C5orf22: variants seen among roughly 807,000 people sequenced by gnomAD.
The protein encoded by C5orf22 is UPF0489 protein C5orf22.
In C5orf22, 36 loss-of-function variants were observed where a neutral mutation model predicts 48.7. The ratio of observed to expected loss-of-function variants is 0.74; its 90% CI spans 0.57 to 0.98. The LOEUF (loss-of-function observed/expected upper bound fraction) is 0.98, where lower values mean the gene tolerates loss of function less well. Among genes scored for constraint, C5orf22 ranks in the 50% least tolerant of loss-of-function variants. C5orf22 has a pLI of 0.00. For synonymous variants in C5orf22, 141 were observed against 180.8 expected (o/e 0.78, Z 1.76); for missense variants, 486 against 521.9 (o/e 0.93, Z 0.67).
Position 31,532,317 on chromosome 5 carries a change from C to A in C5orf22, c.-76C>A. On this transcript the variant is annotated 5_prime_UTR_variant, in exon 1 of 9. Coordinates refer to ENST00000325366, the MANE Select transcript of C5orf22 (RefSeq NM_018356.3). The stretch of plus-strand genomic sequence containing the variant: ...AGCGCTTCCGCCCGGAGAGAGCTGG[C>A]CGGGATGAGGCGCCGGCTTTCCCGG... 1.4e-6 allele frequency: 2 copies of A among 1,476,330 alleles called. No individual in the cohort carries two copies. The highest frequency in any genetic ancestry group is 2.3e-5 in the East Asian group (1 of 44,108). The allele number at this position is 1,476,330 out of a possible 1,614,324, so 91.5% of individuals were successfully genotyped here.
At chr5:31,548,311 A>C (rs1294175634) in intron 7 of C5orf22, among the ~76,000 whole-genome samples, 1 of 152,096 alleles carries the variant, frequency 6.6e-6, no homozygotes, top group Non-Finnish European at 1.5e-5. Flanking sequence ...AAAAAAAAAA[A>C]AAACTGGATG....
At chr5:31,543,041 G>A (rs1742568602) in intron 6 of C5orf22, among the ~76,000 whole-genome samples, 1 of 152,190 alleles carries the variant, frequency 6.6e-6, no homozygotes, top group South Asian at 2.1e-4. Context: ...CCTCTGGGGA[G>A]AGGAATTCTA....
rs1022470969 is a variant in C5orf22, at chr5:31,534,479, G to A, written c.227+62G>A. Reference sequence around the variant, plus strand: ...AAGTACAATTTGCAGTAGATAATAAGCAATTATAGGAAATAGACTTTGCTA... The same window carrying A: ...AAGTACAATTTGCAGTAGATAATAAACAATTATAGGAAATAGACTTTGCTA... On this transcript the variant is annotated intron_variant, in intron 2 of 8. Transcript: ENST00000325366. 4.9e-6 allele frequency: 7 copies of A among 1,426,692 alleles called. No individual in the cohort carries two copies. The Admixed American group carries it at 1.5e-4, about 30-fold the overall frequency. 88.4% of individuals were successfully genotyped at this position (1,426,692 alleles called of 1,614,324 possible).
intron 7 of C5orf22, chr5:31,548,456 T>C (rs1370396109): frequency 2.7e-6 from 1 of 363,720 alleles, no homozygotes; most frequent in Non-Finnish European, 5.4e-6. Context: ...CCAGTCTCTT[T>C]GCTAAAATAT....
intron 4 of C5orf22, 92 bp from the exon 5 acceptor site, chr5:31,540,857 C>A (rs1302639287): frequency 2.3e-6 from 2 of 881,236 alleles, no homozygotes; most frequent in Non-Finnish European, 3.7e-6. Flanking sequence ...GTTCTTGTAT[C>A]ACAAGGAAGG....
chr5:31,536,142 T>C (rs1742065281), intron 3 of C5orf22, among the ~76,000 whole-genome samples: 3 of 152,358 alleles, frequency 2.0e-5, no homozygotes, highest in Middle Eastern at 3.4e-3. Context: ...TTGGGCTTCA[T>C]TGGTGATTAA....
At chr5:31,545,570 A>G (rs1453377974) in intron 6 of C5orf22, 76 bp from the exon 7 acceptor site, 2 of 947,930 alleles carry the variant, frequency 2.1e-6, no homozygotes, top group South Asian at 1.3e-5. Context: ...AAATGTTAGT[A>G]TAATGTATAA....
At chr5:31,545,247 A>G (rs1742785881) in intron 6 of C5orf22, among the ~76,000 whole-genome samples, 1 of 151,992 alleles carries the variant, frequency 6.6e-6, no homozygotes, top group Non-Finnish European at 1.5e-5. Flanking sequence ...TAGTCGAGAC[A>G]GGGTTTCACC....
chr5:31,537,208 A>C (rs1580437470), intron 3 of C5orf22, among the ~76,000 whole-genome samples: 1 of 152,206 alleles, frequency 6.6e-6, no homozygotes, highest in East Asian at 1.9e-4. Flanking sequence ...CAGACATTTG[A>C]AACTCCACGT....
chr5:31,539,671 A>G (rs1742329532), intron 4 of C5orf22, among the ~76,000 whole-genome samples: 1 of 152,130 alleles, frequency 6.6e-6, no homozygotes, highest in Non-Finnish European at 1.5e-5. Flanking sequence ...TAAAAAGCAT[A>G]TATTAAACTT....
intron 7 of C5orf22, chr5:31,548,478 C>T (rs1743035509): frequency 2.4e-6 from 1 of 419,108 alleles, no homozygotes; most frequent in South Asian, 1.8e-5. Context: ...ACAAGAGTCA[C>T]CTTTGTTCCA....
Position 31,541,317 on chromosome 5 carries a change from CAATT to C in C5orf22, c.909_912del (p.Leu304ArgfsTer3). The C allele has an allele frequency of 6.2e-7, 1 of 1,610,588 alleles. No individual in the cohort carries two copies. Among genetic ancestry groups the C allele is most frequent in the East Asian group, 2.2e-5 (1 of 44,860 alleles). On this transcript the variant is annotated frameshift_variant, in exon 6 of 9. Coordinates refer to ENST00000325366, the MANE Select transcript of C5orf22 (RefSeq NM_018356.3). LOFTEE classifies it high-confidence loss of function. ...AGATATTGTTGATACTCGAATTCAT[CAATT>C]AGAGGATTTAGAAGCCACTTTCGCT...
chr5:31,538,269 T>A lies in C5orf22; in HGVS notation c.387T>A (p.Ser129Arg). 1 of 1,596,580 alleles carries A rather than the reference T, an allele frequency of 6.3e-7. No homozygotes were observed. The highest frequency in any genetic ancestry group is 8.5e-7 in the Non-Finnish European group (1 of 1,170,278). The change falls in exon 4 of 9, where the codon AGT (serine) becomes AGA (arginine). Residue 129 changes from serine to arginine, a missense_variant. By Grantham distance (110) the Ser-to-Arg change is moderately radical. Coordinates refer to ENST00000325366, the MANE Select transcript of C5orf22 (RefSeq NM_018356.3). ...DTSTTTIRVT[S>R]TDHYFLSDGL... is the part of the protein sequence containing the mutation. Reference sequence around the variant, plus strand: ...TTTTCCTCTGATTCAGGGTTACAAGTACAGATCATTATTTCCTAAGTGATG... The same window carrying A: ...TTTTCCTCTGATTCAGGGTTACAAGAACAGATCATTATTTCCTAAGTGATG...
At chr5:31,533,859 A>G (rs1269205833) in intron 1 of C5orf22, among the ~76,000 whole-genome samples, 1 of 152,152 alleles carries the variant, frequency 6.6e-6, no homozygotes, top group Non-Finnish European at 1.5e-5. Flanking sequence ...CCATGATCAC[A>G]CCACTGCTTT....
rs569572861 is a variant in C5orf22, at chr5:31,540,886, A to G, written c.808-63A>G. ...AGGAAGGTTGTCTCTTCCTTAAAGCATATCATTAAAAAATTTTAACTTTTT... is the reference window on the plus strand; with the variant it reads ...AGGAAGGTTGTCTCTTCCTTAAAGCGTATCATTAAAAAATTTTAACTTTTT... On this transcript the variant is annotated intron_variant, in intron 4 of 8. Coordinates refer to ENST00000325366, the MANE Select transcript of C5orf22 (RefSeq NM_018356.3). 1.9e-4 allele frequency: 227 copies of G among 1,171,536 alleles called. 2 individuals carry two copies. In the South Asian group the frequency reaches 2.8e-3, roughly 15 times the overall value. 72.6% of individuals were successfully genotyped at this position (1,171,536 alleles called of 1,614,324 possible).
chr5:31,551,316 C>G lies in C5orf22; in HGVS notation c.1083C>G (p.Cys361Trp). 6.2e-7 allele frequency: 1 copy of G among 1,613,128 alleles called. No individual in the cohort carries two copies. The highest frequency in any genetic ancestry group is 8.5e-7 in the Non-Finnish European group (1 of 1,179,464). The change falls in exon 8 of 9, where the codon TGC becomes TGG. Residue 361 changes from cysteine to tryptophan, a missense_variant. Physicochemically the swap from Cys to Trp is radical, Grantham distance 215 (BLOSUM62 -2). Coordinates refer to ENST00000325366, the MANE Select transcript of C5orf22 (RefSeq NM_018356.3). The stretch of plus-strand genomic sequence containing the variant: ...AGGTTCACCAGGCTGGTTTAACCTG[C>G]GATTATTCAGAACTTCCTCACCATA... ...YEMVHQAGLTCDYSELPHHIS... is the reference protein window; with the variant it reads ...YEMVHQAGLTWDYSELPHHIS...
At chr5:31,535,149 T>G in intron 2 of C5orf22, 1 of 368,550 alleles carries the variant, frequency 2.7e-6, no homozygotes. Context: ...TAGTAGTTTA[T>G]TAAAGCTTAT....
rs35650579 is a variant in C5orf22 at position 31,541,105 on chromosome 5, A to AGTGTGTGTGTGTGT, written c.870+125_871-132dup. ...CACAGTGATCTCAAAGACTGCTCAA[A>AGTGTGTGTGTGTGT]GTGTGTGTGTGTGTGTGTGTGTGTG... On this transcript the variant is annotated intron_variant, in intron 5 of 8. Coordinates refer to ENST00000325366, the MANE Select transcript of C5orf22 (RefSeq NM_018356.3). 39 of 677,180 alleles carry AGTGTGTGTGTGTGT rather than the reference A, an allele frequency of 5.8e-5. No homozygotes were observed. The East Asian group carries it at 7.4e-4, about 13-fold the overall frequency. The allele number at this position is 677,180 out of a possible 1,614,324, so 41.9% of individuals were successfully genotyped here. A position where few individuals can be genotyped will look rare whatever the true frequency, so the allele number is the denominator to read the frequency against.
intron 1 of C5orf22, among the ~76,000 whole-genome samples, chr5:31,533,262 G>A (rs2150069725): frequency 9.2e-6 from 1 of 108,878 alleles, no homozygotes. Context: ...CCCATATTGC[G>A]TAAAAAAAAA....
Sources: allele counts gnomAD v4.1 joint callset (sites outside exome capture counted in the v4.1 genomes callset), GRCh38; gene constraint gnomAD v4.1.1; transcripts MANE v1.5; gene names NCBI Gene and HGNC (gene_info 2026-07-23, HGNC 2026-07-21).